NPHP1: variants seen among roughly 807,000 people sequenced by gnomAD.
NPHP1 encodes nephrocystin 1, also known as nephrocystin-1.
Under a neutral mutation model 90.4 loss-of-function variants are expected in NPHP1, and 70 were observed. That is an observed-to-expected ratio of 0.77 (90% CI 0.64 to 0.95). The LOEUF (loss-of-function observed/expected upper bound fraction) is 0.95, where lower values mean the gene tolerates loss of function less well. NPHP1 is among the 40% of genes least tolerant of loss of function. The probability of loss-of-function intolerance (pLI) is 0.00; values close to 1 mark genes in which losing one functional copy is unlikely to be tolerated. For missense variants in NPHP1, 764 were observed against 795.9 expected (o/e 0.96, Z 0.48); for synonymous variants, 256 against 271.7 (o/e 0.94, Z 0.57).
intron 11 of NPHP1, among the ~76,000 whole-genome samples, chr2:110,156,780 G>GGT (rs751815112): frequency 2.3e-4 from 32 of 139,304 alleles, no homozygotes; most frequent in Admixed American, 2.0e-3. Flanking sequence ...TTTGGTTTCT[G>GGT]TTTTTTTTTT....
rs1336013201 is a variant in NPHP1, at chr2:110,165,073, T to C, written c.707A>G (p.Asp236Gly). The C allele has an allele frequency of 6.2e-7, 1 of 1,613,508 alleles. No homozygotes were observed. The highest frequency in any genetic ancestry group is 1.1e-5 in the South Asian group (1 of 91,070). The change falls in exon 7 of 20, where the codon GAT becomes GGT. Residue 236 changes from aspartate to glycine, a missense_variant. Physicochemically the swap from Asp to Gly is moderately conservative, Grantham distance 94 (BLOSUM62 -1). Coordinates refer to ENST00000445609, the MANE Select transcript of NPHP1 (RefSeq NM_001128178.3). ...EDVEAVDETA[D>G]GAEVKQRTDP... is the part of the protein sequence containing the mutation. ...GTACCTTTGCTTAACTTCTGCTCCATCTGCTGTTTCATCCACCGCCTCTAC... is the reference window on the plus strand; with the variant it reads ...GTACCTTTGCTTAACTTCTGCTCCACCTGCTGTTTCATCCACCGCCTCTAC...
chr2:110,183,601 C>T (rs796718374), intron 2 of NPHP1, among the ~76,000 whole-genome samples: 41 of 152,208 alleles, frequency 2.7e-4, no homozygotes, highest in African/African-American at 9.6e-4. Context: ...CCTCTAGCGC[C>T]GCTGGGTTAG....
At chr2:110,129,013 G>C (rs1053335151) in intron 18 of NPHP1, 173 bp downstream of exon 18, 3 of 640,460 alleles carry the variant, frequency 4.7e-6, no homozygotes, top group African/African-American at 3.7e-5. Context: ...GGCAGCCCTT[G>C]GGAATTTATG....
intron 1 of NPHP1, 25 bp from the exon 2 acceptor site, chr2:110,201,519 C>T (rs1685577863): frequency 1.3e-6 from 2 of 1,503,866 alleles, no homozygotes; most frequent in Non-Finnish European, 9.2e-7. Context: ...TAAAATATCA[C>T]ATTATTAAAT....
At chr2:110,139,985 G>T (rs57912565) in intron 16 of NPHP1, among the ~76,000 whole-genome samples, 46,137 of 151,866 alleles carry the variant, frequency 0.3, 7,737 homozygotes, top group East Asian at 0.58. Context: ...GGCCCAGGCT[G>T]GTGCCTAGTC....
chr2:110,170,250 G>A (rs558650327), intron 4 of NPHP1, among the ~76,000 whole-genome samples: 10 of 152,238 alleles, frequency 6.6e-5, no homozygotes, highest in East Asian at 3.9e-4. Context: ...AGGAGACTCC[G>A]AATTCAAGTC....
chr2:110,147,841 C>G, intron 13 of NPHP1, 75 bp downstream of exon 13: 1 of 866,692 alleles, frequency 1.2e-6, no homozygotes, highest in Non-Finnish European at 2.0e-6. Context: ...CAAGGATTTC[C>G]TTGTCAATAG....
chr2:110,150,163 C>A lies in NPHP1; in HGVS notation c.1158+19G>T. 1 of 1,586,352 alleles carries A rather than the reference C, an allele frequency of 6.3e-7. No individual in the cohort carries two copies. The highest frequency in any genetic ancestry group is 8.7e-7 in the Non-Finnish European group (1 of 1,154,716). On this transcript the variant is annotated intron_variant, in intron 12 of 19. Transcript: ENST00000445609. ...TACTTTGAAATTCACTCACTCCACT[C>A]ATTCAGCAGATTACTTACCTGGGGA...
rs780711426 is a variant in NPHP1 at position 110,177,048 on chromosome 2, T to A, written c.329+1375A>T. ...CTCCTCAGTCGAGTAAGACTACTAT[T>A]CCCTGCTTGGAATCTACCTTCCTCC... is the stretch of plus-strand genomic sequence containing the variant. On this transcript the variant is annotated intron_variant, in intron 4 of 19. Coordinates refer to ENST00000445609, the MANE Select transcript of NPHP1 (RefSeq NM_001128178.3). 9.2e-5 allele frequency among the ~76,000 whole-genome samples: 14 copies of A among 152,130 alleles called. 1 individual carries two copies. Among genetic ancestry groups the A allele is most frequent in the Non-Finnish European group, 1.8e-4 (12 of 68,034 alleles).
intron 4 of NPHP1, among the ~76,000 whole-genome samples, chr2:110,176,517 T>C (rs1683519966): frequency 6.6e-6 from 1 of 152,166 alleles, no homozygotes; most frequent in Non-Finnish European, 1.5e-5. Flanking sequence ...TTTTTTATAC[T>C]GGTTGCTGTG....
chr2:110,136,933 G>A (rs1180892788), intron 16 of NPHP1, among the ~76,000 whole-genome samples: 1 of 152,118 alleles, frequency 6.6e-6, no homozygotes, highest in African/African-American at 2.4e-5. Flanking sequence ...ATACTACAAG[G>A]CTACAGTAAC....
At chr2:110,169,648 T>C (rs1682970305) in intron 5 of NPHP1, among the ~76,000 whole-genome samples, 158 bp downstream of exon 5, 1 of 152,148 alleles carries the variant, frequency 6.6e-6, no homozygotes, top group South Asian at 2.1e-4. Context: ...CAATCTCATA[T>C]TACTACTGCT....
chr2:110,153,208 T>C (rs1229372981), intron 11 of NPHP1, among the ~76,000 whole-genome samples: 1 of 152,078 alleles, frequency 6.6e-6, no homozygotes, highest in African/African-American at 2.4e-5. Flanking sequence ...GAATTCTCTA[T>C]CTAATTAAAA....
chr2:110,199,132 AAATTAACAACATG>A (rs1685386460), intron 2 of NPHP1, among the ~76,000 whole-genome samples: 1 of 152,088 alleles, frequency 6.6e-6, no homozygotes, highest in Non-Finnish European at 1.5e-5. Flanking sequence ...AAACACTTGT[AAATTAACAACATG>A]ACTGATGATG....
At chr2:110,157,487 T>TG (rs1163502898) in intron 11 of NPHP1, among the ~76,000 whole-genome samples, 1 of 152,114 alleles carries the variant, frequency 6.6e-6, no homozygotes, top group Non-Finnish European at 1.5e-5. Flanking sequence ...TTCTTCATGC[T>TG]GGGGGTTAGC....
rs548878781 is a variant in NPHP1 at position 110,134,959 on chromosome 2, C to T, written c.1530-3168G>A. Among the ~76,000 whole-genome samples the T allele has an allele frequency of 7.2e-5, 11 of 152,082 alleles. No homozygotes were observed. The East Asian group carries it at 2.1e-3, about 29-fold the overall frequency. ...CTGCTCCTGCCACTTTTACTCAACA[C>T]AATAATGGAAATATTTTTCTAAAAA... On this transcript the variant is annotated intron_variant, in intron 16 of 19. Transcript: ENST00000445609.
At chr2:110,203,799 A>T (rs905761892) in intron 1 of NPHP1, among the ~76,000 whole-genome samples, 7 of 151,926 alleles carry the variant, frequency 4.6e-5, no homozygotes, top group South Asian at 2.1e-4. Context: ...GTGTATTTTT[A>T]AAAAGTTTTT....
intron 16 of NPHP1, among the ~76,000 whole-genome samples, chr2:110,136,296 C>A (rs1680195347): frequency 6.6e-6 from 1 of 152,116 alleles, no homozygotes; most frequent in African/African-American, 2.4e-5. Context: ...CACTCCTATT[C>A]AACATAGTGT....
chr2:110,125,350 A>G, intron 19 of NPHP1: 1 of 1,512,100 alleles, frequency 6.6e-7, no homozygotes, highest in Non-Finnish European at 8.8e-7. Flanking sequence ...AAAATAAAAG[A>G]AATTTGATAC....
Sources: gnomAD v4.1 joint callset for allele counts (sites outside exome capture counted in the v4.1 genomes callset) on GRCh38, gnomAD v4.1.1 for gene constraint, MANE v1.5 for transcripts, NCBI Gene and HGNC (gene_info 2026-07-23, HGNC 2026-07-21) for gene names.